NUP205: variants seen among roughly 807,000 people sequenced by gnomAD.
The protein encoded by NUP205 is nucleoporin 205, also known as nuclear pore complex protein Nup205.
NUP205 carries 76 observed loss-of-function variants against 253.8 expected under a neutral mutation model. That is an observed-to-expected ratio of 0.30 (90% confidence interval 0.25 to 0.36). The LOEUF (loss-of-function observed/expected upper bound fraction) is 0.36. Ranked by LOEUF, NUP205 falls within the 10% of genes least tolerant of loss-of-function variation. The pLI, the probability that NUP205 is intolerant of heterozygous loss-of-function variation, is 1.00. For missense variants in NUP205, 2,162 were observed against 2,425.5 expected (o/e 0.89, Z 2.28); for synonymous variants, 832 against 850.1 (o/e 0.98, Z 0.37).
At chr7:135,609,596 C>T (rs983218929) in intron 22 of NUP205, among the ~76,000 whole-genome samples, 13 of 151,626 alleles carry the variant, frequency 8.6e-5, no homozygotes, top group African/African-American at 2.2e-4. Context: ...TGCAGTGAGC[C>T]GAGATCGCAC....
At chr7:135,643,769 T>C (rs1405086361) in intron 39 of NUP205, among the ~76,000 whole-genome samples, 1 of 152,204 alleles carries the variant, frequency 6.6e-6, no homozygotes, top group East Asian at 1.9e-4. Context: ...CTTGACTGCC[T>C]TCCCTCAGTG....
chr7:135,559,901 C>T (rs1272602468), intron 1 of NUP205, among the ~76,000 whole-genome samples: 5 of 151,694 alleles, frequency 3.3e-5, no homozygotes, highest in Admixed American at 6.6e-5. Flanking sequence ...CTCTGTTGCC[C>T]GGGCTGGAGT....
At chr7:135,570,752 ATATTTATAT>A (rs1563110039) in intron 1 of NUP205, among the ~76,000 whole-genome samples, 6 of 90,960 alleles carry the variant, frequency 6.6e-5, no homozygotes, top group Admixed American at 1.5e-4. Flanking sequence ...TATATTAATT[ATATTTATAT>A]ATTATATTAA....
chr7:135,617,073 C>T lies in NUP205; in HGVS notation c.3533-17C>T. ...CAATGTCCCAAGTAAAATCAAATTA[C>T]TTTTTATTATTTCTAGTACGTCGAA... On this transcript the variant is annotated splice_polypyrimidine_tract_variant and intron_variant, in intron 25 of 42. Coordinates refer to ENST00000285968, the MANE Select transcript of NUP205 (RefSeq NM_015135.3). 3 of 1,581,704 alleles carry T rather than the reference C, an allele frequency of 1.9e-6. No individual in the cohort carries two copies. The highest frequency in any genetic ancestry group is 2.6e-6 in the Non-Finnish European group (3 of 1,161,756).
chr7:135,617,053 TCC>T (rs756389924), intron 25 of NUP205, 35 bp from the exon 26 acceptor site: 25 of 1,503,990 alleles, frequency 1.7e-5, no homozygotes, highest in Non-Finnish European at 2.3e-5. Flanking sequence ...CTTTTCAATG[TCC>T]CAAGTAAAAT....
chr7:135,628,422 T>C (rs1794638897), intron 34 of NUP205, among the ~76,000 whole-genome samples: 1 of 152,194 alleles, frequency 6.6e-6, no homozygotes, highest in African/African-American at 2.4e-5. Flanking sequence ...AAGTGTAATT[T>C]AACCAGGTAT....
At chr7:135,559,350 C>CT (rs1422763554) in intron 1 of NUP205, among the ~76,000 whole-genome samples, 1 of 152,128 alleles carries the variant, frequency 6.6e-6, no homozygotes, top group Non-Finnish European at 1.5e-5. Context: ...ATACATTTCT[C>CT]TATTTTATTT....
chr7:135,648,231 G>A lies in NUP205; in HGVS notation c.5887-173G>A, dbSNP rs187333231. Reference sequence around the variant, plus strand: ...GAGAATTAAACCAAAAAATTCTAAGGTAGAAAATGTGAATGTTTAGTTAAT... The same window carrying A: ...GAGAATTAAACCAAAAAATTCTAAGATAGAAAATGTGAATGTTTAGTTAAT... On this transcript the variant is annotated intron_variant, in intron 42 of 42. Transcript: ENST00000285968. Among the ~76,000 whole-genome samples the A allele has an allele frequency of 2.7e-3, 411 of 152,266 alleles. 2 individuals are homozygous for A. Among genetic ancestry groups the A allele is most frequent in the Non-Finnish European group, 4.9e-3 (330 of 68,030 alleles).
Position 135,585,027 on chromosome 7 carries a change from A to T in NUP205, c.1218+20A>T, listed in dbSNP as rs2129490061. On this transcript the variant is annotated intron_variant, in intron 8 of 42. Transcript: ENST00000285968. Reference sequence around the variant, plus strand: ...ATGAAGGTAAGTGTAATAATGTAGGATGAGTAAATAGTAGAAGAATTTTAT... The same window carrying T: ...ATGAAGGTAAGTGTAATAATGTAGGTTGAGTAAATAGTAGAAGAATTTTAT... 1 of 1,555,422 alleles carries T rather than the reference A, an allele frequency of 6.4e-7. No individual in the cohort carries two copies. The highest frequency in any genetic ancestry group is 2.3e-5 in the East Asian group (1 of 44,048).
chr7:135,643,844 A>G (rs550985005), intron 39 of NUP205, among the ~76,000 whole-genome samples: 1 of 152,188 alleles, frequency 6.6e-6, no homozygotes, highest in Non-Finnish European at 1.5e-5. Flanking sequence ...CAGGATTGCT[A>G]CTAAGTAGCT....
chr7:135,640,599 G>A (rs914908912), intron 38 of NUP205, among the ~76,000 whole-genome samples: 5 of 152,070 alleles, frequency 3.3e-5, no homozygotes. Context: ...TTTGTATTAT[G>A]TCTAGGCTTT....
intron 31 of NUP205, among the ~76,000 whole-genome samples, chr7:135,624,130 A>G (rs1348102028): frequency 6.6e-6 from 1 of 152,186 alleles, no homozygotes; most frequent in Non-Finnish European, 1.5e-5. Flanking sequence ...TATGCATAGA[A>G]AAAATACTGG....
chr7:135,636,727 C>T (rs1053103901), intron 36 of NUP205, among the ~76,000 whole-genome samples: 5 of 152,022 alleles, frequency 3.3e-5, no homozygotes, highest in Non-Finnish European at 2.9e-5. Context: ...TTACAGTGGC[C>T]GGGTGGGATG....
intron 33 of NUP205, among the ~76,000 whole-genome samples, chr7:135,627,315 T>C (rs1422410140): frequency 6.6e-6 from 1 of 152,232 alleles, no homozygotes; most frequent in African/African-American, 2.4e-5. Context: ...GACTCTTAAA[T>C]CTTGTTTTAT....
chr7:135,571,632 C>T (rs1487421723), intron 2 of NUP205, among the ~76,000 whole-genome samples: 1 of 152,124 alleles, frequency 6.6e-6, no homozygotes, highest in Non-Finnish European at 1.5e-5. Flanking sequence ...TGTTTTGATA[C>T]AGGCATGCAG....
chr7:135,575,741 G>C (rs561866142), intron 3 of NUP205, among the ~76,000 whole-genome samples: 22 of 152,142 alleles, frequency 1.4e-4, no homozygotes, highest in Non-Finnish European at 2.9e-4. Flanking sequence ...GTTGCAGTGA[G>C]ATCACGCCAC....
intron 10 of NUP205, among the ~76,000 whole-genome samples, 153 bp downstream of exon 10, chr7:135,588,145 T>A (rs1806524360): frequency 6.6e-6 from 1 of 152,188 alleles, no homozygotes; most frequent in Admixed American, 6.5e-5. Context: ...TTTATTTATT[T>A]ATTTATTTAT....
Position 135,604,402 on chromosome 7 carries a change from G to A in NUP205, c.2765G>A (p.Cys922Tyr). ...LAFESAKILC[C>Y]ISCNSNIQIK... The stretch of plus-strand genomic sequence containing the variant: ...TTTGAAAGTGCCAAGATCCTCTGTT[G>A]TATCTCTTGCAACTCTAATATTCAG... The change falls in exon 19 of 43, where the codon TGT (cysteine) becomes TAT (tyrosine). Residue 922 changes from cysteine to tyrosine, a missense_variant. Cys to Tyr is a radical substitution (Grantham distance 194). This residue lies in a region of NUP205 where 892 missense variants were observed against 957.1 expected (regional missense o/e 0.93). Coordinates refer to ENST00000285968, the MANE Select transcript of NUP205 (RefSeq NM_015135.3). 6.2e-7 allele frequency: 1 copy of A among 1,613,004 alleles called. No individual in the cohort carries two copies. Among genetic ancestry groups the A allele is most frequent in the African/African-American group, 1.3e-5 (1 of 75,004 alleles).
At chr7:135,605,338 T>G (rs1412903503) in intron 19 of NUP205, among the ~76,000 whole-genome samples, 4 of 152,194 alleles carry the variant, frequency 2.6e-5, no homozygotes, top group Admixed American at 6.5e-5. Context: ...TTTTATTGTG[T>G]AGTCCTTCAT....
Sources: gnomAD v4.1 joint callset for allele counts (sites outside exome capture counted in the v4.1 genomes callset) on GRCh38, gnomAD v4.1.1 for gene constraint, gnomAD v4.1.1 regional missense constraint, MANE v1.5 for transcripts, NCBI Gene and HGNC (gene_info 2026-07-23, HGNC 2026-07-21) for gene names.